Variants in NLRP11 observed in about 807,000 individuals in gnomAD.
NLRP11 encodes the protein NLR family pyrin domain containing 11, also known as NACHT, LRR and PYD domains-containing protein 11.
Under a neutral mutation model 79.3 loss-of-function variants are expected in NLRP11, and 53 were observed. That is an observed-to-expected ratio of 0.67 (90% CI 0.54 to 0.84). NLRP11 has a LOEUF of 0.84. Ranked by LOEUF, NLRP11 falls within the 40% of genes least tolerant of loss-of-function variation. The probability of loss-of-function intolerance (pLI) is 0.00; values close to 1 mark genes in which losing one functional copy is unlikely to be tolerated. For synonymous variants in NLRP11, 518 were observed against 462.6 expected, an observed-to-expected ratio of 1.12 and a Z score of -1.54; for missense variants, 1,264 against 1,255.0, an observed-to-expected ratio of 1.01 and a Z score of -0.11.
intron 9 of NLRP11, among the ~76,000 whole-genome samples, chr19:55,787,252 A>G (rs1989934750): frequency 6.6e-6 from 1 of 152,240 alleles, no homozygotes; most frequent in Non-Finnish European, 1.5e-5. Context: ...GGAAGCTGAT[A>G]GGCAGCTTCT....
intron 5 of NLRP11, among the ~76,000 whole-genome samples, chr19:55,799,972 C>T (rs1258949967): frequency 6.6e-6 from 1 of 151,718 alleles, no homozygotes; most frequent in East Asian, 1.9e-4. Flanking sequence ...TGTCTCAAAA[C>T]AAAAATGAAA....
chr19:55,788,238 A>T (rs183178294), intron 9 of NLRP11, among the ~76,000 whole-genome samples: 2 of 152,322 alleles, frequency 1.3e-5, no homozygotes, highest in East Asian at 3.9e-4. Flanking sequence ...GAAAATAGAA[A>T]ATATTCGTAG....
At chr19:55,792,519 G>T in intron 6 of NLRP11, 48 bp from the exon 7 acceptor site, 2 of 1,546,390 alleles carry the variant, frequency 1.3e-6, no homozygotes, top group Non-Finnish European at 1.8e-6. Context: ...CACCAGAGAG[G>T]GGAGCACCTG....
chr19:55,797,694 A>G (rs1054702990), intron 5 of NLRP11, among the ~76,000 whole-genome samples: 3 of 152,184 alleles, frequency 2.0e-5, no homozygotes, highest in Non-Finnish European at 4.4e-5. Flanking sequence ...TGTGTATTCT[A>G]TTTTGAATGA....
Position 55,785,800 on chromosome 19 carries a change from A to T in NLRP11, c.2927T>A (p.Leu976Ter). The change falls in exon 10 of 10, where the codon TTG becomes TAG. Residue 976 changes from leucine (L) to a stop codon, truncating the protein, a stop_gained. Transcript: ENST00000589093. LOFTEE classifies it low-confidence loss of function (END_TRUNC). ...AGACCAAGTTTCAGACAGAAAGATC[A>T]AACTGGGTTTTCTTTCCTTTACAGT... 1 of 1,614,182 alleles carries T rather than the reference A, an allele frequency of 6.2e-7. No homozygotes were observed.
intron 6 of NLRP11, 109 bp from the exon 7 acceptor site, chr19:55,792,580 G>A: frequency 1.4e-6 from 1 of 734,414 alleles, no homozygotes. Context: ...TACTGCCATT[G>A]CCCCAAATCT....
chr19:55,819,425 A>C lies in NLRP11; in HGVS notation c.-62-1189T>G, dbSNP rs147247898. Among the ~76,000 whole-genome samples the C allele has an allele frequency of 9.9e-3, 1,504 of 152,284 alleles. 24 individuals are homozygous for C. Among genetic ancestry groups the C allele is most frequent in the African/African-American group, 0.034 (1,430 of 41,546 alleles). ...GAGCCTCCCACACCTGTCAGTTTCA[A>C]TGTCAGTCTAATCCTGGTATCATTA... On this transcript the variant is annotated intron_variant, in intron 1 of 9. Transcript: ENST00000589093.
intron 1 of NLRP11, among the ~76,000 whole-genome samples, chr19:55,821,265 T>G (rs1981704536): frequency 6.8e-6 from 1 of 148,068 alleles, no homozygotes; most frequent in African/African-American, 2.5e-5. Flanking sequence ...AGCACTGAGT[T>G]TGTAATGATC....
Position 55,809,219 on chromosome 19 carries a change from A to T in NLRP11, c.1391T>A (p.Met464Lys). 6.2e-7 allele frequency: 1 copy of T among 1,613,940 alleles called. No homozygotes were observed. Among genetic ancestry groups the T allele is most frequent in the Non-Finnish European group, 8.5e-7 (1 of 1,179,788 alleles). ...GGGGATCAGATAGTTGGGTACTGCC[A>T]TCAGAAATGCAATGGCTGTACAAAA... The change falls in exon 3 of 10, where the codon ATG becomes AAG. Residue 464 changes from methionine to lysine, a missense_variant. By Grantham distance (95) the Met-to-Lys change is moderately conservative (BLOSUM62 -1). Coordinates refer to ENST00000589093, the Ensembl canonical transcript of NLRP11. The surrounding 1 kb of genome is among the most constrained non-coding windows in gnomAD (Gnocchi z 4.5).
At chr19:55,812,649 G>A (rs1980716755) in intron 2 of NLRP11, among the ~76,000 whole-genome samples, 1 of 152,162 alleles carries the variant, frequency 6.6e-6, no homozygotes, top group Admixed American at 6.5e-5. Context: ...GTGTGGGGCT[G>A]TCAATTAGAG....
At chr19:55,817,662 A>T (rs1323716157) in intron 2 of NLRP11, among the ~76,000 whole-genome samples, 1 of 152,014 alleles carries the variant, frequency 6.6e-6, no homozygotes, top group Non-Finnish European at 1.5e-5. Context: ...GACTACAGGG[A>T]CTCGGCGGGA....
chr19:55,801,179 C>CAAAA (rs149428235), intron 5 of NLRP11: 18 of 144,292 alleles, frequency 1.2e-4, no homozygotes, highest in Admixed American at 2.1e-4. Context: ...AACTCCATCT[C>CAAAA]AAAAAAAAAA....
chr19:55,794,500 T>C (rs28649904), intron 6 of NLRP11, among the ~76,000 whole-genome samples: 11,459 of 152,084 alleles, frequency 0.075, 1,323 homozygotes, highest in African/African-American at 0.25. Context: ...GTGGCTCACA[T>C]CTGTAATCCC....
chr19:55,810,850 G>T (rs780803813), intron 2 of NLRP11, among the ~76,000 whole-genome samples: 16 of 152,094 alleles, frequency 1.1e-4, no homozygotes, highest in Non-Finnish European at 1.6e-4. Flanking sequence ...CTCATACAGT[G>T]GAGTCGACAG....
Position 55,785,889 on chromosome 19 carries a change from G to C in NLRP11, c.2856-18C>G. On this transcript the variant is annotated intron_variant, in intron 9 of 9. Coordinates refer to ENST00000589093, the Ensembl canonical transcript of NLRP11. ...ATGGAAGCCTGAAGGAAAACAGAGAGAGAACGCCGTTAATGCTACATGTGA... is the reference window on the plus strand; with the variant it reads ...ATGGAAGCCTGAAGGAAAACAGAGACAGAACGCCGTTAATGCTACATGTGA... 1 of 1,607,876 alleles carries C rather than the reference G, an allele frequency of 6.2e-7. No individual in the cohort carries two copies. The highest frequency in any genetic ancestry group is 8.5e-7 in the Non-Finnish European group (1 of 1,177,658).
chr19:55,798,003 T>TA (rs777401964), intron 5 of NLRP11, among the ~76,000 whole-genome samples: 9,918 of 148,946 alleles, frequency 0.067, 801 homozygotes, highest in African/African-American at 0.19. Flanking sequence ...ATTATTATTT[T>TA]TTTTTTTTTT....
upstream of NLRP11, among the ~76,000 whole-genome samples, chr19:55,833,494 G>A (rs766078312): frequency 6.6e-6 from 1 of 151,944 alleles, no homozygotes; most frequent in Non-Finnish European, 1.5e-5. Context: ...GGCCGGGGGC[G>A]GTGGCTCATG....
intron 7 of NLRP11, among the ~76,000 whole-genome samples, chr19:55,791,493 T>C (rs1990230996): frequency 6.6e-6 from 1 of 152,230 alleles, no homozygotes; most frequent in Non-Finnish European, 1.5e-5. Context: ...CATATTCTTA[T>C]ACAGTCCAGT....
At chr19:55,785,610 T>C in exon 10 of NLRP11, 2 of 1,603,132 alleles carry the variant, frequency 1.2e-6, no homozygotes, top group Non-Finnish European at 1.7e-6. Flanking sequence ...TAAATACTGT[T>C]TACGTACAAC....
Sources: gnomAD v4.1 joint callset for allele counts (sites outside exome capture counted in the v4.1 genomes callset) on GRCh38, gnomAD v4.1.1 for gene constraint, Gnocchi (gnomAD v3.1) non-coding constraint, MANE v1.5 for transcripts, NCBI Gene and HGNC (gene_info 2026-07-23, HGNC 2026-07-21) for gene names.